ESRRG: variants seen among roughly 807,000 people sequenced by gnomAD.
ESRRG encodes the protein estrogen-related receptor gamma.
Under a neutral mutation model 44.0 loss-of-function variants are expected in ESRRG, and 13 were observed. That is an observed-to-expected ratio of 0.30 (90% CI 0.19 to 0.47). The LOEUF is 0.47. Among genes scored for constraint, ESRRG ranks in the 20% least tolerant of loss-of-function variants. ESRRG has a pLI of 1.00. For synonymous variants in ESRRG, 215 were observed against 214.6 expected (o/e 1.00, Z -0.02); for missense variants, 395 against 580.6 (o/e 0.68, Z 3.29).
At chr1:217,135,803 A>C (rs2093041414) in intron 1 of ESRRG, among the ~76,000 whole-genome samples, 2 of 152,156 alleles carry the variant, frequency 1.3e-5, no homozygotes, top group South Asian at 4.1e-4. Flanking sequence ...CTCACTTTGC[A>C]CTCGGAAGCG....
intron 5 of ESRRG, among the ~76,000 whole-genome samples, chr1:216,555,468 A>T (rs1407569044): frequency 6.6e-6 from 1 of 152,078 alleles, no homozygotes; most frequent in Non-Finnish European, 1.5e-5. Flanking sequence ...TATTATATGC[A>T]CAAAATATAG....
chr1:217,122,809 T>G (rs1002375245), intron 1 of ESRRG, among the ~76,000 whole-genome samples: 2 of 152,088 alleles, frequency 1.3e-5, no homozygotes, highest in African/African-American at 4.8e-5. Flanking sequence ...TAGCTGGGAT[T>G]ACAAGCATGG....
intron 2 of ESRRG, among the ~76,000 whole-genome samples, chr1:216,908,817 G>T (rs1262265646): frequency 2.2e-5 from 3 of 138,500 alleles, no homozygotes; most frequent in African/African-American, 5.4e-5. Flanking sequence ...TGTGCCGTAG[G>T]GTACACACTC....
intron 3 of ESRRG, among the ~76,000 whole-genome samples, chr1:216,611,290 T>C (rs932925878): frequency 2.0e-5 from 3 of 151,630 alleles, no homozygotes; most frequent in Admixed American, 6.6e-5. Flanking sequence ...AGTGGTAAGT[T>C]CTCTCCATTT....
At chr1:216,579,581 T>C (rs1295895624) in intron 3 of ESRRG, among the ~76,000 whole-genome samples, 1 of 152,060 alleles carries the variant, frequency 6.6e-6, no homozygotes, top group Admixed American at 6.6e-5. Flanking sequence ...ACACCAAACA[T>C]ACTGAGTCTT....
rs141034335 is a variant in ESRRG, at chr1:216,775,218, G to A, written c.-13-97727C>T. Among the ~76,000 whole-genome samples, 202 of 152,074 alleles carry A rather than the reference G, an allele frequency of 1.3e-3. 1 individual carries two copies. The highest frequency in any genetic ancestry group is 4.8e-3 in the African/African-American group (198 of 41,510). ...TGCCATTTGCCTTCTGTCACCTGTT[G>A]TTCATCTATTTATTGTATAACAAGA... On this transcript the variant is annotated intron_variant, in intron 2 of 7. Transcript: ENST00000359162.
At chr1:216,529,601 A>C (rs1420006156) in intron 5 of ESRRG, among the ~76,000 whole-genome samples, 2 of 132,538 alleles carry the variant, frequency 1.5e-5, no homozygotes, top group African/African-American at 5.6e-5. Flanking sequence ...TTTTTGGTTA[A>C]CTTTTTTCAA....
At chr1:216,833,018 A>ATTTC (rs150910799) in intron 2 of ESRRG, among the ~76,000 whole-genome samples, 32,712 of 151,212 alleles carry the variant, frequency 0.22, 4,069 homozygotes, top group African/African-American at 0.32. Context: ...TTGTAAATTA[A>ATTTC]TTTTATTTTT....
At chr1:216,538,391 C>G (rs971283016) in intron 5 of ESRRG, among the ~76,000 whole-genome samples, 1 of 152,012 alleles carries the variant, frequency 6.6e-6, no homozygotes, top group African/African-American at 2.4e-5. Context: ...AAGCGTGAGT[C>G]TGTGAGAAGC....
At chr1:216,886,941 T>C (rs1328674744) in intron 2 of ESRRG, among the ~76,000 whole-genome samples, 1 of 152,144 alleles carries the variant, frequency 6.6e-6, no homozygotes, top group East Asian at 1.9e-4. Flanking sequence ...TTTTGCTATG[T>C]TGCCCAGGCT....
chr1:216,989,724 C>G (rs894131575), intron 1 of ESRRG, among the ~76,000 whole-genome samples: 6 of 152,024 alleles, frequency 3.9e-5, no homozygotes, highest in African/African-American at 1.4e-4. Context: ...AAAGTGTGTC[C>G]CTGCAGCTTC....
At chr1:217,026,159 T>C (rs1314534189) in intron 1 of ESRRG, among the ~76,000 whole-genome samples, 1 of 152,188 alleles carries the variant, frequency 6.6e-6, no homozygotes, top group Non-Finnish European at 1.5e-5. Context: ...CGTGATTTAA[T>C]TCCTGTCTGA....
At chr1:216,837,672 T>C (rs1368068025) in intron 2 of ESRRG, among the ~76,000 whole-genome samples, 1 of 152,070 alleles carries the variant, frequency 6.6e-6, no homozygotes, top group East Asian at 1.9e-4. Flanking sequence ...AACAGAGAGC[T>C]AAAAAGCAGG....
chr1:216,915,119 T>C (rs1449973280), intron 2 of ESRRG, among the ~76,000 whole-genome samples: 1 of 152,218 alleles, frequency 6.6e-6, no homozygotes, highest in East Asian at 1.9e-4. Flanking sequence ...CTCTTCCATC[T>C]GCTGGATTTC....
chr1:216,966,895 G>A (rs1440899738), intron 1 of ESRRG, among the ~76,000 whole-genome samples: 1 of 152,066 alleles, frequency 6.6e-6, no homozygotes, highest in Non-Finnish European at 1.5e-5. Context: ...AAGCGAAAAG[G>A]ATGGAATCCC....
intron 1 of ESRRG, among the ~76,000 whole-genome samples, chr1:216,979,766 T>A (rs1181746812): frequency 6.6e-6 from 1 of 152,152 alleles, no homozygotes; most frequent in Admixed American, 6.6e-5. Context: ...ATAACTGGAA[T>A]GAAAATTTAA....
upstream of ESRRG, among the ~76,000 whole-genome samples, chr1:216,725,544 A>C (rs1423043632): frequency 2.0e-5 from 3 of 152,194 alleles, no homozygotes; most frequent in Non-Finnish European, 2.9e-5. Flanking sequence ...ATTTTTCTAA[A>C]ATACACTCAA....
chr1:216,632,714 G>T (rs1219856697), intron 3 of ESRRG, among the ~76,000 whole-genome samples: 4 of 151,866 alleles, frequency 2.6e-5, no homozygotes, highest in Non-Finnish European at 4.4e-5. Flanking sequence ...AGAGTTTTTA[G>T]GTTTTTTTAT....
At chr1:216,612,538 C>G (rs1350291639) in intron 3 of ESRRG, among the ~76,000 whole-genome samples, 1 of 152,192 alleles carries the variant, frequency 6.6e-6, no homozygotes, top group African/African-American at 2.4e-5. Flanking sequence ...CTCCACCCCC[C>G]TCCTTTCTTG....
Sources: allele counts gnomAD v4.1 joint callset (sites outside exome capture counted in the v4.1 genomes callset), GRCh38; gene constraint gnomAD v4.1.1; transcripts MANE v1.5; gene names NCBI Gene and HGNC (gene_info 2026-07-23, HGNC 2026-07-21).